Variants in UNC13C observed in about 807,000 individuals in gnomAD.
UNC13C encodes unc-13 homolog C, also known as protein unc-13 homolog C.
In UNC13C, 174 loss-of-function variants were observed where a neutral mutation model predicts 245.4. The observed-to-expected ratio is 0.71, with a 90% CI of 0.63 to 0.80. The LOEUF is 0.80. Among genes scored for constraint, UNC13C ranks in the 30% least tolerant of loss-of-function variants. The probability of loss-of-function intolerance (pLI) is 0.00; values close to 1 mark genes in which losing one functional copy is unlikely to be tolerated. For missense variants in UNC13C, 2,829 were observed against 2,602.9 expected (o/e 1.09, Z -1.89); for synonymous variants, 992 against 895.1 (o/e 1.11, Z -1.93).
chr15:54,485,855 T>G (rs2141072135), intron 19 of UNC13C, among the ~76,000 whole-genome samples: 1 of 152,270 alleles, frequency 6.6e-6, no homozygotes, highest in South Asian at 2.1e-4. Context: ...GGCTCTGTGG[T>G]TTGCTTTTTG....
At chr15:54,503,349 TAATA>T (rs1894315432) in intron 22 of UNC13C, among the ~76,000 whole-genome samples, 1 of 151,950 alleles carries the variant, frequency 6.6e-6, no homozygotes, top group African/African-American at 2.4e-5. Flanking sequence ...CTATACAGAA[TAATA>T]AATAAAAAGC....
At chr15:54,221,040 A>G (rs1161949838) in intron 4 of UNC13C, among the ~76,000 whole-genome samples, 2 of 152,076 alleles carry the variant, frequency 1.3e-5, no homozygotes, top group East Asian at 3.8e-4. Context: ...TCTAATTCCA[A>G]AGATTTAGAC....
chr15:54,435,164 C>T (rs2040955228), intron 19 of UNC13C, among the ~76,000 whole-genome samples: 1 of 152,102 alleles, frequency 6.6e-6, no homozygotes, highest in Admixed American at 6.6e-5. Context: ...TAGTGGAAGA[C>T]AATGTGGCAA....
chr15:54,595,180 T>C (rs1457357373), intron 30 of UNC13C, among the ~76,000 whole-genome samples: 2 of 152,066 alleles, frequency 1.3e-5, no homozygotes, highest in Non-Finnish European at 2.9e-5. Flanking sequence ...GCCTAGATGT[T>C]TGATTATACT....
intron 19 of UNC13C, among the ~76,000 whole-genome samples, chr15:54,442,227 A>T (rs1890566494): frequency 6.7e-6 from 1 of 148,354 alleles, no homozygotes; most frequent in Non-Finnish European, 1.5e-5. Context: ...GAAATTAGGC[A>T]TCTTTCACCA....
chr15:54,604,866 A>G (rs1899673722), intron 30 of UNC13C, among the ~76,000 whole-genome samples: 1 of 152,218 alleles, frequency 6.6e-6, no homozygotes, highest in Non-Finnish European at 1.5e-5. Context: ...CTTAAAATGT[A>G]GAGTCTAAAA....
chr15:54,605,626 G>A (rs374556969), intron 30 of UNC13C, among the ~76,000 whole-genome samples: 3 of 152,242 alleles, frequency 2.0e-5, no homozygotes, highest in Admixed American at 6.5e-5. Context: ...GGTGTTTCCA[G>A]TATACAGAGA....
At chr15:54,226,971 G>A (rs778160651) in intron 4 of UNC13C, among the ~76,000 whole-genome samples, 1 of 152,120 alleles carries the variant, frequency 6.6e-6, no homozygotes, top group Non-Finnish European at 1.5e-5. Flanking sequence ...GGCAAGCAGG[G>A]AAGGGTAGGG....
At chr15:53,939,187 C>G in the UNC13C span, among the ~76,000 whole-genome samples, 31 of 152,228 alleles carry the variant, frequency 2.0e-4, no homozygotes, top group Middle Eastern at 3.4e-3. Context: ...ATACACACAA[C>G]CATCAGAGAA....
At chr15:54,082,206 T>C (rs1898980718) in intron 2 of UNC13C, among the ~76,000 whole-genome samples, 1 of 152,160 alleles carries the variant, frequency 6.6e-6, no homozygotes, top group Admixed American at 6.5e-5. Flanking sequence ...CAAGTTGTTT[T>C]CATTAGCATT....
At chr15:54,467,071 C>CA (rs1281178219) in intron 19 of UNC13C, among the ~76,000 whole-genome samples, 1 of 151,762 alleles carries the variant, frequency 6.6e-6, no homozygotes, top group Admixed American at 6.6e-5. Context: ...CTGGGACCTA[C>CA]ACTGGAGTTT....
chr15:54,111,218 T>G (rs1267519102), intron 2 of UNC13C, among the ~76,000 whole-genome samples: 2 of 152,246 alleles, frequency 1.3e-5, no homozygotes, highest in South Asian at 2.1e-4. Context: ...GGCTCCCATA[T>G]GTCTTCCTTA....
chr15:53,963,431 T>G, the UNC13C span, among the ~76,000 whole-genome samples: 1 of 152,190 alleles, frequency 6.6e-6, no homozygotes, highest in Non-Finnish European at 1.5e-5. Context: ...TGAAGCAAAT[T>G]TCTTGACTTC....
At chr15:54,365,745 G>C (rs1278126070) in intron 17 of UNC13C, among the ~76,000 whole-genome samples, 1 of 146,548 alleles carries the variant, frequency 6.8e-6, no homozygotes, top group African/African-American at 2.6e-5. Flanking sequence ...ACTGCTCCCC[G>C]CTCAAAAAGA....
chr15:54,060,093 C>G (rs1291667710), intron 2 of UNC13C, among the ~76,000 whole-genome samples: 1 of 152,084 alleles, frequency 6.6e-6, no homozygotes, highest in Non-Finnish European at 1.5e-5. Context: ...AAAGCAATGG[C>G]AACAAAAGCC....
At chr15:54,628,772 A>AAAAT (rs1238868442), downstream of UNC13C, 6 of 152,128 alleles carry the variant, frequency 3.9e-5, no homozygotes, top group Non-Finnish European at 8.8e-5. Context: ...AAAAAGTCAA[A>AAAAT]AAATAACAGA....
rs142338476 is a variant in UNC13C, at chr15:54,267,869, G to A, written c.3818+2373G>A. Among the ~76,000 whole-genome samples, 1,379 of 151,998 alleles carry A rather than the reference G, an allele frequency of 9.1e-3. 7 individuals carry two copies. The highest frequency in any genetic ancestry group is 0.017 in the Middle Eastern group (5 of 294). ...AAATATTCATTCTGCTGTCTGTTTG[G>A]AGGCTCTACTTGAATACATATTAGG... is the stretch of plus-strand genomic sequence containing the variant. On this transcript the variant is annotated intron_variant, in intron 10 of 32. Coordinates refer to ENST00000260323, the MANE Select transcript of UNC13C (RefSeq NM_001080534.3).
chr15:54,114,390 T>A (rs2030066041), intron 2 of UNC13C, among the ~76,000 whole-genome samples: 1 of 152,190 alleles, frequency 6.6e-6, no homozygotes, highest in South Asian at 2.1e-4. Context: ...TTGCATTATT[T>A]TACTATTCAT....
the UNC13C span, among the ~76,000 whole-genome samples, chr15:53,966,177 C>A: frequency 6.6e-6 from 1 of 152,078 alleles, no homozygotes; most frequent in East Asian, 1.9e-4. Context: ...TTGACATATT[C>A]TTCTATTTAT....
Sources: allele counts gnomAD v4.1 joint callset (sites outside exome capture counted in the v4.1 genomes callset), GRCh38; gene constraint gnomAD v4.1.1; transcripts MANE v1.5; gene names NCBI Gene and HGNC (gene_info 2026-07-23, HGNC 2026-07-21).